The following HPSE2 variants were observed in gnomAD, a reference collection of about 807,000 sequenced individuals.
HPSE2 encodes the protein inactive heparanase-2.
Under a neutral mutation model 60.5 loss-of-function variants are expected in HPSE2, and 38 were observed. The ratio of observed to expected loss-of-function variants is 0.63; its 90% CI spans 0.48 to 0.82. The LOEUF (loss-of-function observed/expected upper bound fraction) is 0.82, where lower values mean the gene tolerates loss of function less well. HPSE2 is among the 40% of genes least tolerant of loss of function. The probability of loss-of-function intolerance (pLI) is 0.00; values close to 1 mark genes in which losing one functional copy is unlikely to be tolerated. For synonymous variants in HPSE2, 295 were observed against 293.2 expected, an observed-to-expected ratio of 1.01 and a Z score of -0.06; for missense variants, 713 against 740.4, an observed-to-expected ratio of 0.96 and a Z score of 0.43.
chr10:99,210,031 C>A (rs1403861502), intron 2 of HPSE2, among the ~76,000 whole-genome samples: 7 of 151,810 alleles, frequency 4.6e-5, no homozygotes, highest in African/African-American at 1.7e-4. Context: ...AAATCTTTAG[C>A]TAGATTAAGA....
intron 3 of HPSE2, among the ~76,000 whole-genome samples, chr10:99,049,098 G>A (rs767215646): frequency 1.6e-3 from 250 of 152,270 alleles, no homozygotes; most frequent in Non-Finnish European, 2.4e-3. Context: ...GAACGGAGAA[G>A]GGCTTGGCTT....
chr10:98,471,304 C>T (rs575807799), intron 11 of HPSE2, among the ~76,000 whole-genome samples: 1 of 152,128 alleles, frequency 6.6e-6, no homozygotes, highest in Non-Finnish European at 1.5e-5. Context: ...TTGGTCCCAA[C>T]CCAAAGATTT....
intron 3 of HPSE2, among the ~76,000 whole-genome samples, chr10:98,785,554 C>T (rs1411978230): frequency 1.0e-5 from 1 of 99,388 alleles, no homozygotes; most frequent in African/African-American, 4.2e-5. Flanking sequence ...TAGAATTCGG[C>T]TGTGAATCCA....
intron 3 of HPSE2, among the ~76,000 whole-genome samples, chr10:98,769,083 G>A (rs564548595): frequency 7.5e-4 from 56 of 75,164 alleles, no homozygotes; most frequent in African/African-American, 2.0e-3. Context: ...ACTTGTCTAT[G>A]TCCCAACATT....
At chr10:98,682,370 C>G (rs1010172213) in intron 6 of HPSE2, among the ~76,000 whole-genome samples, 2 of 152,190 alleles carry the variant, frequency 1.3e-5, no homozygotes, top group Admixed American at 6.5e-5. Flanking sequence ...AACCTCTTTT[C>G]TTTATAAGTT....
chr10:98,938,710 A>G lies in HPSE2; in HGVS notation c.611-194654T>C. ...CCCCAATCTAGCAAGGCACGCCAAC[A>G]TTCAGACTCAGGAAATACAGAGAAC... On this transcript the variant is annotated intron_variant, in intron 3 of 11. Transcript: ENST00000370552. 1.4e-5 allele frequency among the ~76,000 whole-genome samples: 2 copies of G among 143,870 alleles called. 1 individual carries two copies. The highest frequency in any genetic ancestry group is 3.0e-5 in the Non-Finnish European group (2 of 67,198). 94.4% of individuals were successfully genotyped at this position (143,870 alleles called of 152,430 possible).
the HPSE2 span, among the ~76,000 whole-genome samples, chr10:99,285,970 G>A: frequency 0.86 from 130,078 of 152,136 alleles, 55,946 homozygotes; most frequent in African/African-American, 0.92. Flanking sequence ...ACATGAAAAC[G>A]TATTCCAATC....
chr10:98,711,395 G>A (rs1948673144), intron 5 of HPSE2, among the ~76,000 whole-genome samples: 1 of 152,144 alleles, frequency 6.6e-6, no homozygotes, highest in South Asian at 2.1e-4. Flanking sequence ...AACTGAGGTT[G>A]AGAAGAACTG....
intron 11 of HPSE2, among the ~76,000 whole-genome samples, chr10:98,480,564 T>C (rs547669706): frequency 6.6e-6 from 1 of 152,142 alleles, no homozygotes; most frequent in Admixed American, 6.5e-5. Flanking sequence ...GGAATCATCT[T>C]GGAGGCAGGG....
At chr10:98,942,704 C>A (rs1314529822) in intron 3 of HPSE2, among the ~76,000 whole-genome samples, 3 of 152,032 alleles carry the variant, frequency 2.0e-5, no homozygotes, top group Non-Finnish European at 2.9e-5. Flanking sequence ...CTAGAAACAC[C>A]ATTTGACCCA....
At position 98,541,511 on chromosome 10, in the gene HPSE2, G is replaced by A. The variant is rs1045602168; in HGVS notation, c.1321-51315C>T. On this transcript the variant is annotated intron_variant, in intron 9 of 11. Coordinates refer to ENST00000370552, the MANE Select transcript of HPSE2 (RefSeq NM_021828.5). ...CACCGTGCGCGAGCCGAATCAGGGC[G>A]AGGCATTGCCTCACTCAGGAAGTGC... Among the ~76,000 whole-genome samples the A allele has an allele frequency of 3.9e-5, 6 of 152,302 alleles. No homozygotes were observed. The East Asian group carries it at 7.8e-4, about 20-fold the overall frequency.
intron 5 of HPSE2, among the ~76,000 whole-genome samples, chr10:98,712,718 C>T (rs1423611705): frequency 6.6e-6 from 1 of 152,066 alleles, no homozygotes; most frequent in African/African-American, 2.4e-5. Context: ...AAATGCTTCC[C>T]ATAGCTCTCT....
At chr10:98,859,334 G>T (rs1366197165) in intron 3 of HPSE2, among the ~76,000 whole-genome samples, 1 of 152,068 alleles carries the variant, frequency 6.6e-6, no homozygotes, top group African/African-American at 2.4e-5. Context: ...AATATTATGT[G>T]TCAACTTGTC....
At chr10:99,205,919 T>C (rs1435037165) in intron 2 of HPSE2, among the ~76,000 whole-genome samples, 1 of 152,208 alleles carries the variant, frequency 6.6e-6, no homozygotes, top group African/African-American at 2.4e-5. Context: ...TGATCTCTTA[T>C]GGTTCTCACA....
intron 3 of HPSE2, among the ~76,000 whole-genome samples, chr10:98,759,723 G>A (rs969698620): frequency 3.3e-5 from 5 of 151,992 alleles, no homozygotes; most frequent in Non-Finnish European, 7.4e-5. Flanking sequence ...AAATCAGAGA[G>A]TATGATGCCT....
chr10:98,947,499 G>C (rs971199408), intron 3 of HPSE2, among the ~76,000 whole-genome samples: 1 of 152,140 alleles, frequency 6.6e-6, no homozygotes, highest in African/African-American at 2.4e-5. Context: ...CTGACAAGAG[G>C]CAGCGGATAA....
chr10:98,678,437 C>T (rs1468243834), intron 6 of HPSE2, among the ~76,000 whole-genome samples: 1 of 152,130 alleles, frequency 6.6e-6, no homozygotes, highest in Non-Finnish European at 1.5e-5. Flanking sequence ...GGGTCCCATT[C>T]CCGAAGTTTA....
intron 3 of HPSE2, among the ~76,000 whole-genome samples, chr10:99,088,522 A>G (rs1443359985): frequency 1.3e-4 from 20 of 152,128 alleles, no homozygotes; most frequent in Admixed American, 1.3e-3. Flanking sequence ...GGTTGCTGTA[A>G]TTGCCATTAT....
At chr10:99,239,484 C>T (rs1347526117), upstream of HPSE2, among the ~76,000 whole-genome samples, 1 of 122,342 alleles carries the variant, frequency 8.2e-6, no homozygotes, top group African/African-American at 3.2e-5. Context: ...GGTTGGAGTG[C>T]AGTGGCACGA....
Sources: gnomAD v4.1 joint callset for allele counts (sites outside exome capture counted in the v4.1 genomes callset) on GRCh38, gnomAD v4.1.1 for gene constraint, MANE v1.5 for transcripts, NCBI Gene and HGNC (gene_info 2026-07-23, HGNC 2026-07-21) for gene names.